ASPRV1: variants seen among roughly 807,000 people sequenced by gnomAD.
ASPRV1 encodes the protein retroviral-like aspartic protease 1.
Under a neutral mutation model 11.0 loss-of-function variants are expected in ASPRV1, and 7 were observed. The observed-to-expected ratio is 0.64, with a 90% CI of 0.36 to 1.20. The LOEUF (loss-of-function observed/expected upper bound fraction) is 1.20, where lower values mean the gene tolerates loss of function less well. ASPRV1 is among the 50% of genes most tolerant of loss of function. The pLI, the probability that ASPRV1 is intolerant of heterozygous loss-of-function variation, is 0.02. For missense variants in ASPRV1, 299 were observed against 320.0 expected (o/e 0.93, Z 0.50); for synonymous variants, 136 against 138.4 (o/e 0.98, Z 0.12).
chr2:69,991,324 T>C, the ASPRV1 span, among the ~76,000 whole-genome samples: 6 of 152,322 alleles, frequency 3.9e-5, no homozygotes, highest in African/African-American at 1.4e-4. Context: ...AAGGAACCCA[T>C]GGAAAACCAG....
chr2:70,052,515 G>A, the ASPRV1 span, among the ~76,000 whole-genome samples: 1 of 152,064 alleles, frequency 6.6e-6, no homozygotes, highest in African/African-American at 2.4e-5. Context: ...TGAGTGCCAG[G>A]CAACAGTATA....
chr2:70,043,201 T>C, the ASPRV1 span, among the ~76,000 whole-genome samples: 1 of 152,152 alleles, frequency 6.6e-6, no homozygotes, highest in Non-Finnish European at 1.5e-5. Flanking sequence ...GTGTATCACC[T>C]GAGGTCAGGA....
the ASPRV1 span, chr2:69,938,259 G>A: frequency 1.2e-6 from 2 of 1,614,214 alleles, no homozygotes; most frequent in Non-Finnish European, 8.5e-7. Context: ...CTGCAGGACA[G>A]TCACAAGGCG....
chr2:69,960,647 A>C lies in ASPRV1; in HGVS notation c.*10T>G, dbSNP rs1462048413. ...ACCAATATTTAGGAGGTTAAAGAAA[A>C]GGTGGCTTCTCAGTGGGATAGCTCC... On this transcript the variant is annotated 3_prime_UTR_variant, in exon 1 of 1. Transcript: ENST00000320256. 3.7e-6 allele frequency: 6 copies of C among 1,601,794 alleles called. No homozygotes were observed. Among genetic ancestry groups the C allele is most frequent in the Non-Finnish European group, 5.1e-6 (6 of 1,174,662 alleles).
the ASPRV1 span, among the ~76,000 whole-genome samples, chr2:70,052,297 C>T: frequency 1.3e-5 from 2 of 152,080 alleles, no homozygotes; most frequent in African/African-American, 4.8e-5. Flanking sequence ...ATTATATCCA[C>T]TCACTGAACT....
chr2:69,956,408 C>T (rs72910659), downstream of ASPRV1, among the ~76,000 whole-genome samples: 1,880 of 117,248 alleles, frequency 0.016, 39 homozygotes, highest in African/African-American at 0.058. Context: ...AAAAGCAAGA[C>T]CCTGTGAAGA....
At chr2:69,948,825 G>C in the ASPRV1 span, among the ~76,000 whole-genome samples, 46,905 of 151,840 alleles carry the variant, frequency 0.31, 8,330 homozygotes, top group African/African-American at 0.46. Context: ...AATGCCGTCC[G>C]GCTGACAGCA....
At position 69,960,610 on chromosome 2, in the gene ASPRV1, G is replaced by A. The variant is rs199993428; in HGVS notation, c.*47C>T. ...AGGATATGCAACCCCCCCCACAGCGGTGGGTCTTCCCACCAATATTTAGGA... is the reference window on the plus strand; with the variant it reads ...AGGATATGCAACCCCCCCCACAGCGATGGGTCTTCCCACCAATATTTAGGA... On this transcript the variant is annotated 3_prime_UTR_variant, in exon 1 of 1. Coordinates refer to ENST00000320256, the MANE Select transcript of ASPRV1 (RefSeq NM_152792.4). 5.8e-6 allele frequency: 9 copies of A among 1,552,452 alleles called. No homozygotes were observed. In the East Asian group the frequency reaches 1.8e-4, roughly 31 times the overall value.
At chr2:70,031,389 G>C in the ASPRV1 span, 1 of 152,154 alleles carries the variant, frequency 6.6e-6, no homozygotes, top group Admixed American at 6.6e-5. Flanking sequence ...TTTTCAAAAG[G>C]AGGGGTAAAA....
chr2:70,045,104 A>C, the ASPRV1 span, among the ~76,000 whole-genome samples: 1 of 152,174 alleles, frequency 6.6e-6, no homozygotes, highest in Non-Finnish European at 1.5e-5. Flanking sequence ...TTCTGGCTAA[A>C]CACGTCCCAA....
At chr2:70,023,466 C>G in the ASPRV1 span, among the ~76,000 whole-genome samples, 1 of 152,064 alleles carries the variant, frequency 6.6e-6, no homozygotes, top group Non-Finnish European at 1.5e-5. Context: ...AGATGCCTCT[C>G]TGAAGCTGCC....
upstream of ASPRV1, among the ~76,000 whole-genome samples, chr2:69,963,809 G>A (rs1025275448): frequency 6.6e-6 from 1 of 152,150 alleles, no homozygotes; most frequent in Non-Finnish European, 1.5e-5. Context: ...GAGCTTCAAT[G>A]GCCTCAGGTC....
the ASPRV1 span, among the ~76,000 whole-genome samples, chr2:69,948,719 G>A: frequency 6.6e-6 from 1 of 152,120 alleles, no homozygotes; most frequent in Non-Finnish European, 1.5e-5. Flanking sequence ...CCCTGCCTCC[G>A]GGGCCACCGG....
At chr2:70,051,918 T>A in the ASPRV1 span, among the ~76,000 whole-genome samples, 1 of 151,932 alleles carries the variant, frequency 6.6e-6, no homozygotes, top group African/African-American at 2.4e-5. Flanking sequence ...AAGTTTGCAG[T>A]GAGACGAGAT....
the ASPRV1 span, among the ~76,000 whole-genome samples, chr2:70,060,589 G>A: frequency 2.6e-5 from 4 of 151,646 alleles, no homozygotes; most frequent in Admixed American, 1.3e-4. Flanking sequence ...GAGGCAGCTG[G>A]ATCACCTGAG....
At chr2:69,968,161 C>A in the ASPRV1 span, among the ~76,000 whole-genome samples, 1 of 152,168 alleles carries the variant, frequency 6.6e-6, no homozygotes, top group Admixed American at 6.5e-5. Context: ...ACCTTTCACT[C>A]AGTTTTGCTG....
chr2:69,972,014 C>A, the ASPRV1 span, among the ~76,000 whole-genome samples: 1 of 152,098 alleles, frequency 6.6e-6, no homozygotes, highest in Admixed American at 6.6e-5. Flanking sequence ...TACACTCGAC[C>A]CTCTTGCTTT....
chr2:70,009,232 T>C, the ASPRV1 span, among the ~76,000 whole-genome samples: 2 of 152,202 alleles, frequency 1.3e-5, no homozygotes, highest in Non-Finnish European at 2.9e-5. Flanking sequence ...AGCATTTATA[T>C]ACTTGTCTAT....
the ASPRV1 span, among the ~76,000 whole-genome samples, chr2:70,062,869 T>C: frequency 1.3e-5 from 2 of 152,076 alleles, no homozygotes; most frequent in Non-Finnish European, 2.9e-5. Context: ...GGCAGGACAT[T>C]ACAGCCATGG....
Sources: gnomAD v4.1 joint callset for allele counts (sites outside exome capture counted in the v4.1 genomes callset) on GRCh38, gnomAD v4.1.1 for gene constraint, MANE v1.5 for transcripts, NCBI Gene and HGNC (gene_info 2026-07-23, HGNC 2026-07-21) for gene names.